The following LONP2 variants were observed in gnomAD, a reference collection of about 807,000 sequenced individuals.
LONP2 encodes the protein lon peptidase 2, peroxisomal.
In LONP2, 60 loss-of-function variants were observed where a neutral mutation model predicts 85.6. That is an observed-to-expected ratio of 0.70 (90% CI 0.57 to 0.87). The LOEUF is 0.87. Among genes scored for constraint, LONP2 ranks in the 40% least tolerant of loss-of-function variants. The probability of loss-of-function intolerance (pLI) is 0.00; values close to 1 mark genes in which losing one functional copy is unlikely to be tolerated. For synonymous variants in LONP2, 395 were observed against 389.7 expected (o/e 1.01, Z -0.16); for missense variants, 860 against 1,063.5 (o/e 0.81, Z 2.66).
Position 48,356,188 on chromosome 16 carries a change from C to T in LONP2, c.*4386C>T, listed in dbSNP as rs950761910. 6.6e-6 allele frequency: 1 copy of T among 152,202 alleles called. No individual in the cohort carries two copies. Among genetic ancestry groups the T allele is most frequent in the Admixed American group, 6.5e-5 (1 of 15,274 alleles). 9.4% of individuals were successfully genotyped at this position (152,202 alleles called of 1,614,324 possible). On this transcript the variant is annotated 3_prime_UTR_variant, in exon 15 of 15. Coordinates refer to ENST00000285737, the MANE Select transcript of LONP2 (RefSeq NM_031490.5). ...AAAGTACTGTGATAGTGATGTCTAC[C>T]ACTGTGAGCTTCCAGTACTAGGTGA...
chr16:48,252,239 A>T lies in LONP2; in HGVS notation c.342A>T (p.Leu114Phe), dbSNP rs779071561. The T allele has an allele frequency of 4.3e-6, 7 of 1,614,086 alleles. No individual in the cohort carries two copies. Residue 114 changes from leucine (L) to phenylalanine (F), a missense_variant, in exon 2 of 15, where the codon TTA becomes TTT. Leu to Phe is a conservative substitution (Grantham distance 22, BLOSUM62 0). Around this residue, in one of 3 missense-constraint regions of LONP2, gnomAD observed 743 missense variants for 917.3 expected, o/e 0.81. Transcript: ENST00000285737. ...GCCGTTTCCAGATTGTACAGGTCTT[A>T]AAAGAGAAGCCATATCCCATTGCTG... ...GLCRFQIVQV[L>F]KEKPYPIAEV...
chr16:48,317,706 A>G (rs1973174295), intron 11 of LONP2, among the ~76,000 whole-genome samples: 1 of 152,232 alleles, frequency 6.6e-6, no homozygotes, highest in South Asian at 2.1e-4. Flanking sequence ...CTGTAGGAAA[A>G]GAGAAGCTGT....
intron 8 of LONP2, among the ~76,000 whole-genome samples, chr16:48,278,231 G>A (rs1567319734): frequency 1.3e-5 from 2 of 151,898 alleles, no homozygotes; most frequent in Non-Finnish European, 2.9e-5. Context: ...TTCACCAATC[G>A]TCTAATTCTG....
intron 11 of LONP2, among the ~76,000 whole-genome samples, chr16:48,328,327 C>G (rs531330647): frequency 6.7e-6 from 1 of 149,886 alleles, no homozygotes; most frequent in Non-Finnish European, 1.5e-5. Context: ...GGGTGAATCA[C>G]GATATCAGGA....
chr16:48,306,486 GAT>G (rs1972914275), intron 11 of LONP2, among the ~76,000 whole-genome samples: 1 of 152,152 alleles, frequency 6.6e-6, no homozygotes, highest in Non-Finnish European at 1.5e-5. Flanking sequence ...TCTCCTAAAA[GAT>G]AATATAGTTA....
At chr16:48,298,641 G>GTGTGTGTGTGTA (rs1972730164) in intron 9 of LONP2, among the ~76,000 whole-genome samples, 2 of 148,518 alleles carry the variant, frequency 1.3e-5, no homozygotes. Context: ...GTGTGTGTGT[G>GTGTGTGTGTGTA]TGTGTGTGTG....
At chr16:48,254,388 G>T (rs2150964221) in intron 2 of LONP2, among the ~76,000 whole-genome samples, 1 of 149,396 alleles carries the variant, frequency 6.7e-6, no homozygotes, top group South Asian at 2.1e-4. Flanking sequence ...TTTTGAAATG[G>T]AGTCTTGCCC....
chr16:48,303,429 T>A, intron 11 of LONP2, 124 bp downstream of exon 11: 1 of 1,022,584 alleles, frequency 9.8e-7, no homozygotes, highest in Non-Finnish European at 1.5e-6. Flanking sequence ...ACTCCACTGT[T>A]AAATGCATCC....
At chr16:48,267,406 T>C (rs1395525983) in intron 6 of LONP2, among the ~76,000 whole-genome samples, 1 of 152,004 alleles carries the variant, frequency 6.6e-6, no homozygotes, top group African/African-American at 2.4e-5. Flanking sequence ...TTCAAGCAAT[T>C]CTCCTGCCTC....
intron 1 of LONP2, among the ~76,000 whole-genome samples, chr16:48,250,510 C>G (rs74016335): frequency 0.012 from 1,851 of 151,754 alleles, 40 homozygotes; most frequent in African/African-American, 0.042. Context: ...CAAAAAACAA[C>G]TCTTTAGCAT....
At chr16:48,334,126 C>G (rs1959560944) in intron 11 of LONP2, 90 bp from the exon 12 acceptor site, 4 of 1,187,322 alleles carry the variant, frequency 3.4e-6, no homozygotes, top group Non-Finnish European at 3.6e-6. Context: ...CTTTTGAGGT[C>G]CACTGGGCTT....
chr16:48,261,496 GAT>G lies in LONP2; in HGVS notation c.798_799del (p.Asp266GlufsTer2), dbSNP rs756468712. On this transcript the variant is annotated frameshift_variant, in exon 5 of 15. Coordinates refer to ENST00000285737, the MANE Select transcript of LONP2 (RefSeq NM_031490.5). LOFTEE classifies it high-confidence loss of function. ...GTLEDEDEDE[D>X]NDDIVMLEKK... ...TTTAGAAGATGAAGATGAAGATGAA[GAT>G]AATGATGACATTGTCATGCTAGAGA... The G allele has an allele frequency of 6.2e-7, 1 of 1,607,512 alleles. No homozygotes were observed.
chr16:48,260,590 C>T (rs1971854638), intron 4 of LONP2, among the ~76,000 whole-genome samples: 1 of 152,146 alleles, frequency 6.6e-6, no homozygotes, highest in African/African-American at 2.4e-5. Context: ...CAAAGCTTGA[C>T]CTTGTCTCAA....
intron 6 of LONP2, among the ~76,000 whole-genome samples, chr16:48,268,825 G>A (rs1428789572): frequency 6.6e-6 from 1 of 151,956 alleles, no homozygotes; most frequent in African/African-American, 2.4e-5. Flanking sequence ...GGTTTTTTGG[G>A]GGACTAGCTT....
chr16:48,305,159 G>A (rs1972887294), intron 11 of LONP2, among the ~76,000 whole-genome samples: 1 of 152,226 alleles, frequency 6.6e-6, no homozygotes, highest in African/African-American at 2.4e-5. Context: ...ATTGGAGGGA[G>A]GCAGTGCCTT....
chr16:48,308,504 A>G (rs1596970582), intron 11 of LONP2, among the ~76,000 whole-genome samples: 1 of 151,688 alleles, frequency 6.6e-6, no homozygotes, highest in Non-Finnish European at 1.5e-5. Flanking sequence ...GTGCATGCCT[A>G]TAGTCCCAGC....
chr16:48,338,566 G>A (rs1596998250), intron 12 of LONP2, among the ~76,000 whole-genome samples: 1 of 152,152 alleles, frequency 6.6e-6, no homozygotes, highest in Non-Finnish European at 1.5e-5. Context: ...GGGAGATGAG[G>A]AGAGAGTGTT....
At chr16:48,295,369 C>T (rs1467243457) in intron 8 of LONP2, among the ~76,000 whole-genome samples, 1 of 152,016 alleles carries the variant, frequency 6.6e-6, no homozygotes, top group East Asian at 1.9e-4. Flanking sequence ...AAGACTCTGT[C>T]TCAAGAAAAA....
chr16:48,289,342 C>G (rs1387517470), intron 8 of LONP2, among the ~76,000 whole-genome samples: 1 of 152,116 alleles, frequency 6.6e-6, no homozygotes, highest in African/African-American at 2.4e-5. Flanking sequence ...GTAAGGTGAA[C>G]ATTGGTTTGG....
Sources: allele counts gnomAD v4.1 joint callset (sites outside exome capture counted in the v4.1 genomes callset), GRCh38; gene constraint gnomAD v4.1.1; regional missense constraint gnomAD v4.1.1; transcripts MANE v1.5; gene names NCBI Gene and HGNC (gene_info 2026-07-23, HGNC 2026-07-21).